The following GFRA1 variants were observed in gnomAD, a reference collection of about 807,000 sequenced individuals.
The protein encoded by GFRA1 is GDNF family receptor alpha 1, also known as GDNF family receptor alpha-1.
GFRA1 carries 16 observed loss-of-function variants against 51.6 expected under a neutral mutation model. The observed-to-expected ratio is 0.31, with a 90% CI of 0.21 to 0.47. The LOEUF is 0.47. GFRA1 is among the 20% of genes least tolerant of loss of function. GFRA1 has a pLI of 1.00. For missense variants in GFRA1, 530 were observed against 594.3 expected (o/e 0.89, Z 1.13); for synonymous variants, 270 against 241.3 (o/e 1.12, Z -1.10).
At position 116,232,908 on chromosome 10, in the gene GFRA1, G is replaced by A. The variant is rs148698770; in HGVS notation, c.419-21263C>T. Among the ~76,000 whole-genome samples, 1,156 of 152,264 alleles carry A rather than the reference G, an allele frequency of 7.6e-3. 15 individuals carry two copies. Among genetic ancestry groups the A allele is most frequent in the African/African-American group, 0.024 (1,016 of 41,550 alleles). Reference sequence around the variant, plus strand: ...CTGCTTTGGGAACACTTAATGGGGGGCACAGAGATCTCTGACCTTTAATTA... The same window carrying A: ...CTGCTTTGGGAACACTTAATGGGGGACACAGAGATCTCTGACCTTTAATTA... On this transcript the variant is annotated intron_variant, in intron 4 of 10. Coordinates refer to ENST00000355422, the MANE Select transcript of GFRA1 (RefSeq NM_005264.8).
chr10:116,104,688 G>A (rs901838653), intron 6 of GFRA1, among the ~76,000 whole-genome samples: 1 of 152,182 alleles, frequency 6.6e-6, no homozygotes, highest in South Asian at 2.1e-4. Flanking sequence ...GTTGGCATCT[G>A]ATCAATTTTG....
chr10:116,149,539 T>C (rs1012261121), intron 5 of GFRA1, among the ~76,000 whole-genome samples: 1 of 152,190 alleles, frequency 6.6e-6, no homozygotes, highest in African/African-American at 2.4e-5. Flanking sequence ...AAGACACCTA[T>C]AATTTTAGAA....
At chr10:116,125,592 T>G in intron 5 of GFRA1, 35 bp from the exon 6 acceptor site, 2 of 1,493,108 alleles carry the variant, frequency 1.3e-6, no homozygotes, top group Non-Finnish European at 1.9e-6. Context: ...ATGGTCACAG[T>G]GCTCGGCTCT....
At chr10:116,147,412 G>T (rs950230886) in intron 5 of GFRA1, among the ~76,000 whole-genome samples, 3 of 152,092 alleles carry the variant, frequency 2.0e-5, no homozygotes, top group African/African-American at 7.2e-5. Flanking sequence ...GGTTCACACT[G>T]CACCATCTCA....
At chr10:116,097,039 A>T (rs1956625557) in intron 6 of GFRA1, among the ~76,000 whole-genome samples, 1 of 152,070 alleles carries the variant, frequency 6.6e-6, no homozygotes, top group Non-Finnish European at 1.5e-5. Flanking sequence ...CAGGGCCTAT[A>T]ACTGGAGGAA....
At chr10:116,098,865 C>T (rs539274261) in intron 6 of GFRA1, among the ~76,000 whole-genome samples, 1 of 152,322 alleles carries the variant, frequency 6.6e-6, no homozygotes, top group African/African-American at 2.4e-5. Context: ...CTGTAGAAAG[C>T]ATAGCCCCGA....
intron 4 of GFRA1, among the ~76,000 whole-genome samples, chr10:116,262,689 G>A (rs1163153408): frequency 6.6e-6 from 1 of 152,138 alleles, no homozygotes; most frequent in Non-Finnish European, 1.5e-5. Context: ...CAACAAAAAT[G>A]GATTGCTGAG....
rs1235649507 is a variant in GFRA1 at position 116,057,832 on chromosome 10, G to A, written c.*6566C>T. On this transcript the variant is annotated 3_prime_UTR_variant, in exon 11 of 11. Coordinates refer to ENST00000355422, the MANE Select transcript of GFRA1 (RefSeq NM_005264.8). Reference sequence around the variant, plus strand: ...TGACAGACCACAGCCAAATATGGCAGGGCAAACTGATTTGGTTCTGCGATT... The same window carrying A: ...TGACAGACCACAGCCAAATATGGCAAGGCAAACTGATTTGGTTCTGCGATT... The A allele has an allele frequency of 6.6e-6, 1 of 151,568 alleles. No homozygotes were observed. Among genetic ancestry groups the A allele is most frequent in the Non-Finnish European group, 1.5e-5 (1 of 67,974 alleles). 9.4% of individuals were successfully genotyped at this position (151,568 alleles called of 1,614,324 possible).
chr10:116,224,177 C>T (rs888655149), intron 4 of GFRA1, among the ~76,000 whole-genome samples: 1 of 152,156 alleles, frequency 6.6e-6, no homozygotes, highest in Non-Finnish European at 1.5e-5. Context: ...GATGGCTATA[C>T]TCAAAAAGAT....
In GFRA1 at chr10:116,088,870, G is replaced by A. The variant is rs569369118; in HGVS notation, c.1197+871C>T. ...CGGGAGGCGGAGCTTGCAGTGAGCC[G>A]AGATTGCACCACTGCACTCCAGCCT... On this transcript the variant is annotated intron_variant, in intron 9 of 10. Transcript: ENST00000355422. 6.7e-5 allele frequency among the ~76,000 whole-genome samples: 9 copies of A among 133,958 alleles called. No homozygotes were observed. The East Asian group carries it at 9.7e-4, about 14-fold the overall frequency. The allele number at this position is 133,958 out of a possible 152,430, so 87.9% of individuals were successfully genotyped here. A position where few individuals can be genotyped will look rare whatever the true frequency, so the allele number is the denominator to read the frequency against.
At chr10:116,069,994 G>A (rs911614982) in intron 9 of GFRA1, among the ~76,000 whole-genome samples, 4 of 152,286 alleles carry the variant, frequency 2.6e-5, no homozygotes, top group African/African-American at 9.6e-5. Flanking sequence ...CCAGATTTTA[G>A]GCAGCCGTCA....
intron 9 of GFRA1, among the ~76,000 whole-genome samples, chr10:116,078,862 C>T (rs576051351): frequency 2.0e-5 from 3 of 152,222 alleles, no homozygotes; most frequent in Admixed American, 6.5e-5. Flanking sequence ...ACGTTGCTAC[C>T]GTCATTTAGA....
intron 9 of GFRA1, among the ~76,000 whole-genome samples, chr10:116,083,097 G>A (rs892885911): frequency 2.0e-5 from 3 of 152,212 alleles, no homozygotes; most frequent in Non-Finnish European, 2.9e-5. Flanking sequence ...CACAGGAGGC[G>A]AGCCAGGATT....
chr10:116,062,651 T>A lies in GFRA1; in HGVS notation c.*1747A>T, dbSNP rs1238078573. 6 of 152,248 alleles carry A rather than the reference T, an allele frequency of 3.9e-5. No individual in the cohort carries two copies. Among genetic ancestry groups the A allele is most frequent in the African/African-American group, 1.4e-4 (6 of 41,438 alleles). 9.4% of individuals were successfully genotyped at this position (152,248 alleles called of 1,614,324 possible). On this transcript the variant is annotated 3_prime_UTR_variant, in exon 11 of 11. Coordinates refer to ENST00000355422, the MANE Select transcript of GFRA1 (RefSeq NM_005264.8). ...TCCTCCTCCATCTCTTCTACCAATG[T>A]GGGAAGAAAGCCAATGCTTCCCAGC... is the stretch of plus-strand genomic sequence containing the variant.
chr10:116,141,161 C>T (rs768082726), intron 5 of GFRA1, among the ~76,000 whole-genome samples: 5 of 152,176 alleles, frequency 3.3e-5, no homozygotes, highest in East Asian at 1.9e-4. Flanking sequence ...ACACCTCACA[C>T]GATTCAGTAA....
intron 5 of GFRA1, among the ~76,000 whole-genome samples, chr10:116,196,138 A>T (rs1963723515): frequency 6.6e-6 from 1 of 151,658 alleles, no homozygotes; most frequent in Non-Finnish European, 1.5e-5. Flanking sequence ...GACAGTGTTG[A>T]CTACTGTATT....
chr10:116,079,662 C>A (rs565663717), intron 9 of GFRA1, among the ~76,000 whole-genome samples: 21 of 152,166 alleles, frequency 1.4e-4, no homozygotes, highest in African/African-American at 4.8e-4. Context: ...CTGCTAAATA[C>A]CCTACAATGC....
intron 4 of GFRA1, among the ~76,000 whole-genome samples, chr10:116,264,664 G>A (rs768069129): frequency 1.3e-5 from 2 of 152,212 alleles, no homozygotes; most frequent in Admixed American, 1.3e-4. Flanking sequence ...CTAAGTAAAG[G>A]CAAGGCCATG....
At chr10:116,148,532 A>T (rs1222177834) in intron 5 of GFRA1, among the ~76,000 whole-genome samples, 2 of 152,296 alleles carry the variant, frequency 1.3e-5, no homozygotes, top group Middle Eastern at 3.4e-3. Context: ...TTAATGATTA[A>T]ATGAGATAAT....
Sources: allele counts gnomAD v4.1 joint callset (sites outside exome capture counted in the v4.1 genomes callset), GRCh38; gene constraint gnomAD v4.1.1; transcripts MANE v1.5; gene names NCBI Gene and HGNC (gene_info 2026-07-23, HGNC 2026-07-21).